WDR41: variants seen among roughly 807,000 people sequenced by gnomAD.
The protein encoded by WDR41 is WD repeat-containing protein 41.
WDR41 carries 63 observed loss-of-function variants against 69.3 expected under a neutral mutation model. The observed-to-expected ratio is 0.91, with a 90% CI of 0.74 to 1.12. The LOEUF is 1.12. WDR41 is among the 50% of genes most tolerant of loss of function. The pLI is 0.00. For synonymous variants in WDR41, 185 were observed against 192.1 expected (o/e 0.96, Z 0.31); for missense variants, 543 against 534.5 (o/e 1.02, Z -0.16).
At chr5:77,503,748 A>G (rs551550963) in intron 1 of WDR41, among the ~76,000 whole-genome samples, 1 of 152,330 alleles carries the variant, frequency 6.6e-6, no homozygotes, top group East Asian at 1.9e-4. Context: ...AACTACATGG[A>G]AACTGAACAA....
intron 2 of WDR41, among the ~76,000 whole-genome samples, chr5:77,478,931 T>C (rs898902351): frequency 3.3e-5 from 5 of 151,768 alleles, no homozygotes; most frequent in Admixed American, 1.3e-4. Context: ...AAAACCCCAC[T>C]GTCTCAGCCC....
chr5:77,620,554 T>C (rs1295143495), exon 1 of WDR41: 17 of 455,906 alleles, frequency 3.7e-5, no homozygotes, highest in South Asian at 2.3e-4. Flanking sequence ...AGATACTTCC[T>C]GGTCTGTGTA....
At chr5:77,479,681 A>C (rs1264732727) in intron 2 of WDR41, among the ~76,000 whole-genome samples, 1 of 152,222 alleles carries the variant, frequency 6.6e-6, no homozygotes, top group African/African-American at 2.4e-5. Flanking sequence ...TTCAAGATGG[A>C]TTAAAGACAT....
intron 9 of WDR41, among the ~76,000 whole-genome samples, chr5:77,440,241 A>T (rs866640002): frequency 6.6e-6 from 1 of 152,196 alleles, no homozygotes; most frequent in Non-Finnish European, 1.5e-5. Flanking sequence ...TGCCCTTTAA[A>T]AACATTTTCT....
At chr5:77,587,991 T>A (rs1276036103) in intron 1 of WDR41, among the ~76,000 whole-genome samples, 1 of 152,208 alleles carries the variant, frequency 6.6e-6, no homozygotes, top group Admixed American at 6.5e-5. Context: ...ATTTTTATTG[T>A]TTAAGGCACC....
chr5:77,495,005 A>G (rs1801916393), upstream of WDR41, among the ~76,000 whole-genome samples: 1 of 152,194 alleles, frequency 6.6e-6, no homozygotes, highest in East Asian at 1.9e-4. Context: ...AAAATTCACA[A>G]ATGTGTTGAA....
chr5:77,447,827 C>T (rs1053492361), intron 8 of WDR41, among the ~76,000 whole-genome samples: 3 of 152,134 alleles, frequency 2.0e-5, no homozygotes, highest in East Asian at 1.9e-4. Context: ...TCATGGCACA[C>T]GTATACCTAT....
At chr5:77,548,508 C>T (rs1743239464) in intron 1 of WDR41, among the ~76,000 whole-genome samples, 1 of 148,558 alleles carries the variant, frequency 6.7e-6, no homozygotes, top group Non-Finnish European at 1.5e-5. Context: ...ATACAAATGG[C>T]CAACAAACAT....
At chr5:77,550,252 T>A (rs1277811326) in intron 1 of WDR41, among the ~76,000 whole-genome samples, 2 of 152,180 alleles carry the variant, frequency 1.3e-5, no homozygotes, top group African/African-American at 4.8e-5. Context: ...TGTGATCTCA[T>A]TAAACTAAAT....
intron 1 of WDR41, among the ~76,000 whole-genome samples, chr5:77,526,287 T>C (rs1473628600): frequency 6.6e-6 from 1 of 152,080 alleles, no homozygotes; most frequent in Non-Finnish European, 1.5e-5. Context: ...TAAATACTTC[T>C]GTGTGTTCTC....
intron 1 of WDR41, among the ~76,000 whole-genome samples, chr5:77,580,293 A>G (rs191639401): frequency 3.3e-5 from 5 of 152,270 alleles, no homozygotes; most frequent in Non-Finnish European, 7.4e-5. Context: ...TCATGGCAGA[A>G]GGCATCTCTT....
intron 1 of WDR41, among the ~76,000 whole-genome samples, chr5:77,593,640 T>C (rs1464500853): frequency 2.0e-5 from 3 of 152,160 alleles, no homozygotes; most frequent in Non-Finnish European, 4.4e-5. Flanking sequence ...ATGTATAATA[T>C]GGTGCTAGTT....
rs1236010612 is a variant in WDR41, at chr5:77,458,996, T to C, written c.411+66A>G. On this transcript the variant is annotated intron_variant, in intron 5 of 12. Transcript: ENST00000296679. ...CCACAAAAGTAATTTCGTCTAACTCTTTAAACCATGTCTTCTGAGACAAAA... is the reference window on the plus strand; with the variant it reads ...CCACAAAAGTAATTTCGTCTAACTCCTTAAACCATGTCTTCTGAGACAAAA... The C allele has an allele frequency of 8.2e-6, 10 of 1,225,412 alleles. No homozygotes were observed. The African/African-American group carries it at 1.5e-4, about 19-fold the overall frequency. The allele number at this position is 1,225,412 out of a possible 1,614,324, so 75.9% of individuals were successfully genotyped here.
chr5:77,590,385 T>C (rs1744115382), intron 1 of WDR41, among the ~76,000 whole-genome samples: 1 of 152,154 alleles, frequency 6.6e-6, no homozygotes, highest in African/African-American at 2.4e-5. Flanking sequence ...TCGGAGTTAT[T>C]AAGACATACA....
intron 5 of WDR41, among the ~76,000 whole-genome samples, chr5:77,455,077 T>C (rs943153867): frequency 2.0e-5 from 3 of 152,220 alleles, no homozygotes; most frequent in African/African-American, 7.2e-5. Context: ...TTTTCCAAGG[T>C]GGCTGTATTG....
intron 1 of WDR41, 78 bp downstream of exon 1, chr5:77,492,092 C>G: frequency 6.4e-7 from 1 of 1,554,068 alleles, no homozygotes; most frequent in East Asian, 2.4e-5. Flanking sequence ...GCGGTCGGAA[C>G]CCAGGAAGGC....
At chr5:77,593,116 C>G (rs1304937843) in intron 1 of WDR41, among the ~76,000 whole-genome samples, 1 of 152,084 alleles carries the variant, frequency 6.6e-6, no homozygotes, top group African/African-American at 2.4e-5. Context: ...TGAAAAACAG[C>G]CAGGAGAACA....
At chr5:77,603,649 A>G (rs1744363939) in intron 1 of WDR41, among the ~76,000 whole-genome samples, 1 of 152,234 alleles carries the variant, frequency 6.6e-6, no homozygotes, top group South Asian at 2.1e-4. Context: ...ATCTTTGCCT[A>G]GACCAATGTC....
chr5:77,513,256 T>C (rs976205843), intron 1 of WDR41, among the ~76,000 whole-genome samples: 1 of 152,214 alleles, frequency 6.6e-6, no homozygotes, highest in African/African-American at 2.4e-5. Flanking sequence ...TAGAGTCTTA[T>C]TACTGCTTGG....
Sources: gnomAD v4.1 joint callset for allele counts (sites outside exome capture counted in the v4.1 genomes callset) on GRCh38, gnomAD v4.1.1 for gene constraint, MANE v1.5 for transcripts, NCBI Gene and HGNC (gene_info 2026-07-23, HGNC 2026-07-21) for gene names.